Variants in DAB1 observed in about 807,000 individuals in gnomAD.
The protein encoded by DAB1 is DAB adaptor protein 1.
In DAB1, 15 loss-of-function variants were observed where a neutral mutation model predicts 64.6. That is an observed-to-expected ratio of 0.23 (90% CI 0.16 to 0.36). The LOEUF (loss-of-function observed/expected upper bound fraction) is 0.36, where lower values mean the gene tolerates loss of function less well. Among genes scored for constraint, DAB1 ranks in the 10% least tolerant of loss-of-function variants. The pLI is 1.00. For missense variants in DAB1, 596 were observed against 706.7 expected, an observed-to-expected ratio of 0.84 and a Z score of 1.78; for synonymous variants, 235 against 251.9, an observed-to-expected ratio of 0.93 and a Z score of 0.64.
At chr1:57,682,683 C>A (rs1381498584) in intron 6 of DAB1, among the ~76,000 whole-genome samples, 1 of 152,040 alleles carries the variant, frequency 6.6e-6, no homozygotes, top group African/African-American at 2.4e-5. Context: ...AGGGGCTTTG[C>A]CCAGGGGTAG....
chr1:57,422,800 C>G (rs899376743), intron 1 of DAB1, among the ~76,000 whole-genome samples: 1 of 152,214 alleles, frequency 6.6e-6, no homozygotes, highest in African/African-American at 2.4e-5. Flanking sequence ...GTCCGCCTCT[C>G]CAGGCAGCGA....
rs541670906 is a variant in DAB1 at position 58,091,953 on chromosome 1, C to T, written n.387+58558G>A. On this transcript the variant is annotated intron_variant and non_coding_transcript_variant, in intron 5 of 20. Transcript: ENST00000485760. ...TGCATTAAACACACACACACACACACACACACACACACACAAACTAACATA... is the reference window on the plus strand; with the variant it reads ...TGCATTAAACACACACACACACACATACACACACACACACAAACTAACATA... 3.3e-5 allele frequency among the ~76,000 whole-genome samples: 5 copies of T among 151,396 alleles called. No individual in the cohort carries two copies. The South Asian group carries it at 8.4e-4, about 25-fold the overall frequency.
chr1:58,159,689 G>A (rs1424146476), intron 4 of DAB1, among the ~76,000 whole-genome samples: 2 of 152,202 alleles, frequency 1.3e-5, no homozygotes, highest in African/African-American at 2.4e-5. Flanking sequence ...GGTACGTGGC[G>A]GCTGATGCTT....
intron 3 of DAB1, among the ~76,000 whole-genome samples, chr1:58,407,892 C>T (rs1456909239): frequency 2.0e-5 from 3 of 152,150 alleles, no homozygotes; most frequent in Non-Finnish European, 4.4e-5. Flanking sequence ...AAAGAAAAGC[C>T]TAACTCCTTA....
chr1:58,380,076 C>T (rs576041380), intron 3 of DAB1, among the ~76,000 whole-genome samples: 1 of 152,294 alleles, frequency 6.6e-6, no homozygotes, highest in South Asian at 2.1e-4. Flanking sequence ...GTGGCAACAA[C>T]TATAGCATCC....
chr1:57,964,026 C>G (rs1645591831), intron 5 of DAB1, among the ~76,000 whole-genome samples: 1 of 152,136 alleles, frequency 6.6e-6, no homozygotes, highest in Admixed American at 6.5e-5. Flanking sequence ...CACATATCCC[C>G]AACACACAAA....
chr1:57,838,430 G>A (rs1401986184), intron 1 of DAB1, among the ~76,000 whole-genome samples: 1 of 151,890 alleles, frequency 6.6e-6, no homozygotes, highest in East Asian at 1.9e-4. Flanking sequence ...TTAAATTTAG[G>A]TAATGAATAT....
intron 1 of DAB1, among the ~76,000 whole-genome samples, chr1:57,873,579 T>C (rs914677290): frequency 1.3e-5 from 2 of 152,180 alleles, no homozygotes; most frequent in Non-Finnish European, 2.9e-5. Context: ...AAGTGATTAC[T>C]GGTGGCGGGA....
intron 5 of DAB1, among the ~76,000 whole-genome samples, chr1:57,907,843 CA>C (rs1644576918): frequency 3.9e-5 from 2 of 50,732 alleles, no homozygotes; most frequent in African/African-American, 1.5e-4. Context: ...GAGAGCATTA[CA>C]TAAACCTAGA....
intron 2 of DAB1, among the ~76,000 whole-genome samples, chr1:57,252,403 C>T (rs1570058729): frequency 6.6e-6 from 1 of 152,094 alleles, no homozygotes; most frequent in Admixed American, 6.5e-5. Context: ...TAACAATAAA[C>T]CTCAGGACTA....
intron 1 of DAB1, among the ~76,000 whole-genome samples, chr1:57,415,543 C>T (rs1684433553): frequency 6.6e-6 from 1 of 152,132 alleles, no homozygotes; most frequent in Non-Finnish European, 1.5e-5. Context: ...TTCCCAAAGG[C>T]ATAAATAACC....
At chr1:57,983,391 A>C in intron 5 of DAB1, among the ~76,000 whole-genome samples, 1 of 152,286 alleles carries the variant, frequency 6.6e-6, no homozygotes, top group South Asian at 2.1e-4. Context: ...TTCAGGGGTG[A>C]AATCTGGCCA....
chr1:57,349,779 G>T (rs1176988811), intron 1 of DAB1, among the ~76,000 whole-genome samples: 1 of 152,122 alleles, frequency 6.6e-6, no homozygotes, highest in Non-Finnish European at 1.5e-5. Flanking sequence ...TAAAGATCCG[G>T]ACAGAAACTA....
At chr1:58,456,052 T>G (rs6587816) in intron 3 of DAB1, among the ~76,000 whole-genome samples, 2,460 of 152,384 alleles carry the variant, frequency 0.016, 68 homozygotes, top group African/African-American at 0.056. Flanking sequence ...AACGGGCATC[T>G]ACCTCACTTA....
At chr1:57,710,322 G>A (rs190434389) in intron 6 of DAB1, among the ~76,000 whole-genome samples, 2 of 152,110 alleles carry the variant, frequency 1.3e-5, no homozygotes, top group Admixed American at 6.5e-5. Flanking sequence ...TTTGTTTAGA[G>A]TTTCATACTA....
intron 1 of DAB1, among the ~76,000 whole-genome samples, chr1:57,311,967 C>A (rs905417207): frequency 4.6e-5 from 7 of 152,330 alleles, no homozygotes; most frequent in Middle Eastern, 3.4e-3. Context: ...AATTTCTCAT[C>A]TCTGAAATGT....
chr1:57,361,129 C>A (rs1379834814), intron 1 of DAB1, among the ~76,000 whole-genome samples: 3 of 151,940 alleles, frequency 2.0e-5, no homozygotes, highest in Non-Finnish European at 4.4e-5. Context: ...ACAAGTAAAG[C>A]TTTCAGACAA....
At chr1:57,791,256 T>C (rs1035630367) in intron 6 of DAB1, among the ~76,000 whole-genome samples, 8 of 152,210 alleles carry the variant, frequency 5.3e-5, no homozygotes, top group African/African-American at 1.7e-4. Context: ...CCCCCCTGTG[T>C]TGGAACTTGA....
At chr1:57,818,063 G>C (rs1569772946) in intron 6 of DAB1, among the ~76,000 whole-genome samples, 2 of 152,112 alleles carry the variant, frequency 1.3e-5, no homozygotes, top group East Asian at 3.9e-4. Flanking sequence ...TATTTAGATG[G>C]GTAAGTTGAA....
Sources: allele counts gnomAD v4.1 joint callset (sites outside exome capture counted in the v4.1 genomes callset), GRCh38; gene constraint gnomAD v4.1.1; transcripts MANE v1.5; gene names NCBI Gene and HGNC (gene_info 2026-07-23, HGNC 2026-07-21).